SOX5: variants seen among roughly 807,000 people sequenced by gnomAD.
The protein encoded by SOX5 is SRY-box transcription factor 5, also known as transcription factor SOX-5.
SOX5 carries 9 observed loss-of-function variants against 92.0 expected under a neutral mutation model. That is an observed-to-expected ratio of 0.10 (90% CI 0.06 to 0.17). The LOEUF (loss-of-function observed/expected upper bound fraction) is 0.17. Among genes scored for constraint, SOX5 ranks in the 10% least tolerant of loss-of-function variants. The pLI is 1.00. For missense variants in SOX5, 642 were observed against 944.5 expected, an observed-to-expected ratio of 0.68 and a Z score of 4.20; for synonymous variants, 344 against 336.3, an observed-to-expected ratio of 1.02 and a Z score of -0.25.
chr12:24,231,608 CAT>C (rs1032715455), intron 3 of SOX5, among the ~76,000 whole-genome samples: 10 of 152,314 alleles, frequency 6.6e-5, no homozygotes, highest in Admixed American at 5.2e-4. Context: ...TGTCTCTACA[CAT>C]ATACTCACAA....
At chr12:23,550,494 G>T (rs756393818) in intron 11 of SOX5, among the ~76,000 whole-genome samples, 63 of 151,656 alleles carry the variant, frequency 4.2e-4, no homozygotes, top group Non-Finnish European at 7.2e-4. Flanking sequence ...AAAAGACAGG[G>T]AATCTAACAT....
At chr12:23,874,728 T>C (rs1405962176) in intron 2 of SOX5, among the ~76,000 whole-genome samples, 1 of 152,142 alleles carries the variant, frequency 6.6e-6, no homozygotes, top group East Asian at 1.9e-4. Flanking sequence ...AGTACAAATA[T>C]ACTCTCATGG....
intron 1 of SOX5, among the ~76,000 whole-genome samples, chr12:24,402,738 A>G (rs11047418): frequency 0.14 from 22,051 of 152,224 alleles, 1,917 homozygotes; most frequent in Non-Finnish European, 0.21. Flanking sequence ...TTGAACTTAG[A>G]AATTTGTACT....
At chr12:24,132,848 G>T (rs1949775280) in intron 4 of SOX5, among the ~76,000 whole-genome samples, 1 of 152,082 alleles carries the variant, frequency 6.6e-6, no homozygotes, top group African/African-American at 2.4e-5. Flanking sequence ...GAACAGAAAT[G>T]ATAAGCTTTT....
intron 3 of SOX5, among the ~76,000 whole-genome samples, chr12:23,756,977 C>T (rs1003402445): frequency 6.6e-6 from 1 of 151,650 alleles, no homozygotes; most frequent in African/African-American, 2.4e-5. Flanking sequence ...AGTCAAAAAG[C>T]CTGTGTGGAG....
intron 3 of SOX5, among the ~76,000 whole-genome samples, chr12:23,794,555 C>T (rs914314175): frequency 6.6e-6 from 1 of 152,018 alleles, no homozygotes; most frequent in Non-Finnish European, 1.5e-5. Flanking sequence ...TTTAGCATTC[C>T]CTCCAAAAGA....
At chr12:23,875,811 TAGA>T (rs1595277825) in intron 2 of SOX5, among the ~76,000 whole-genome samples, 1 of 152,316 alleles carries the variant, frequency 6.6e-6, no homozygotes. Flanking sequence ...AGAATTTTCA[TAGA>T]AGATTTCCCC....
chr12:23,670,468 T>C (rs1311420187), intron 6 of SOX5, among the ~76,000 whole-genome samples: 4 of 151,946 alleles, frequency 2.6e-5, no homozygotes, highest in Non-Finnish European at 5.9e-5. Context: ...AAGGGGCAAA[T>C]AGAAATGGAG....
At chr12:24,281,641 T>C (rs894986904) in intron 2 of SOX5, among the ~76,000 whole-genome samples, 2 of 152,224 alleles carry the variant, frequency 1.3e-5, no homozygotes, top group East Asian at 3.9e-4. Context: ...TCTTGAACAG[T>C]GAAACAAAAG....
chr12:23,951,023 C>T, upstream of SOX5: 2 of 665,812 alleles, frequency 3.0e-6, no homozygotes, highest in Non-Finnish European at 5.3e-6. Flanking sequence ...GCACGCTCTC[C>T]ACTCCTACTG....
At chr12:24,217,788 G>T (rs1959370209) in intron 3 of SOX5, among the ~76,000 whole-genome samples, 1 of 152,110 alleles carries the variant, frequency 6.6e-6, no homozygotes, top group African/African-American at 2.4e-5. Flanking sequence ...AGAACTCTTA[G>T]AACTCTATAA....
chr12:24,412,221 T>C (rs2136804352), intron 1 of SOX5, among the ~76,000 whole-genome samples: 1 of 152,270 alleles, frequency 6.6e-6, no homozygotes, highest in East Asian at 1.9e-4. Flanking sequence ...AATTTGTCAA[T>C]TTTACTGATC....
At position 23,751,389 on chromosome 12, in the gene SOX5, C is replaced by A. The variant is rs191224974; in HGVS notation, c.568+4249G>T. Among the ~76,000 whole-genome samples, 523 of 151,968 alleles carry A rather than the reference C, an allele frequency of 3.4e-3. 3 individuals carry two copies. The highest frequency in any genetic ancestry group is 4.7e-3 in the Non-Finnish European group (322 of 67,902). On this transcript the variant is annotated intron_variant, in intron 4 of 14. Coordinates refer to ENST00000451604, the MANE Select transcript of SOX5 (RefSeq NM_006940.6). The stretch of plus-strand genomic sequence containing the variant: ...GAAACAACTTTTGAAGTGATATAAA[C>A]CCTTACATATTGAAATGCTGAATAT...
chr12:23,621,401 A>T (rs972393534), intron 8 of SOX5, among the ~76,000 whole-genome samples: 5 of 152,168 alleles, frequency 3.3e-5, no homozygotes, highest in African/African-American at 1.2e-4. Context: ...CATTGTATAT[A>T]ATGCTACACA....
At chr12:23,968,115 G>A (rs1947802610) in intron 4 of SOX5, among the ~76,000 whole-genome samples, 1 of 152,150 alleles carries the variant, frequency 6.6e-6, no homozygotes, top group Non-Finnish European at 1.5e-5. Context: ...CCAGAATGCG[G>A]ACTCTACTAG....
intron 1 of SOX5, among the ~76,000 whole-genome samples, chr12:24,559,458 G>A (rs1954124808): frequency 6.6e-6 from 1 of 152,096 alleles, no homozygotes; most frequent in South Asian, 2.1e-4. Flanking sequence ...TGTCCTGTAA[G>A]TTTTACTTTT....
At chr12:23,618,837 C>G (rs1289333692) in intron 8 of SOX5, among the ~76,000 whole-genome samples, 1 of 152,164 alleles carries the variant, frequency 6.6e-6, no homozygotes, top group African/African-American at 2.4e-5. Flanking sequence ...TTAAATTCAT[C>G]TCTTTTGCAG....
At chr12:23,997,622 G>C (rs1053861244) in intron 4 of SOX5, among the ~76,000 whole-genome samples, 5 of 152,126 alleles carry the variant, frequency 3.3e-5, no homozygotes, top group African/African-American at 4.8e-5. Flanking sequence ...TATACATGAA[G>C]AAAGTAAAAG....
At chr12:23,989,218 CAAAAAAAAAAA>C (rs554892984) in intron 4 of SOX5, among the ~76,000 whole-genome samples, 5 of 104,472 alleles carry the variant, frequency 4.8e-5, no homozygotes, top group African/African-American at 8.1e-5. Context: ...GCCAAAAATA[CAAAAAAAAAAA>C]AAAAAAAAAA....
Sources: allele counts gnomAD v4.1 joint callset (sites outside exome capture counted in the v4.1 genomes callset), GRCh38; gene constraint gnomAD v4.1.1; transcripts MANE v1.5; gene names NCBI Gene and HGNC (gene_info 2026-07-23, HGNC 2026-07-21).